TRPC4: variants seen among roughly 807,000 people sequenced by gnomAD.
The protein encoded by TRPC4 is transient receptor potential cation channel subfamily C member 4.
TRPC4 carries 49 observed loss-of-function variants against 99.4 expected under a neutral mutation model. The observed-to-expected ratio is 0.49, with a 90% confidence interval of 0.39 to 0.63. The LOEUF is 0.63. Among genes scored for constraint, TRPC4 ranks in the 20% least tolerant of loss-of-function variants. The probability of loss-of-function intolerance (pLI) is 0.00; values close to 1 mark genes in which losing one functional copy is unlikely to be tolerated. For synonymous variants in TRPC4, 454 were observed against 425.9 expected (o/e 1.07, Z -0.81); for missense variants, 898 against 1,152.9 (o/e 0.78, Z 3.20).
In TRPC4 at chr13:37,749,582, A is replaced by G. The variant is rs536476825; in HGVS notation, c.379-3127T>C. Among the ~76,000 whole-genome samples the G allele has an allele frequency of 1.1e-4, 16 of 152,234 alleles. No individual in the cohort carries two copies. The South Asian group carries it at 3.3e-3, about 32-fold the overall frequency. Reference sequence around the variant, plus strand: ...CTCCGATTGCATGAAGACAATAAAAACAGAACAAAAGTGTTTTAAGAAAAT... The same window carrying G: ...CTCCGATTGCATGAAGACAATAAAAGCAGAACAAAAGTGTTTTAAGAAAAT... On this transcript the variant is annotated intron_variant, in intron 2 of 10. Coordinates refer to ENST00000379705, the MANE Select transcript of TRPC4 (RefSeq NM_016179.4).
At chr13:37,680,069 G>T (rs1473269869) in intron 4 of TRPC4, among the ~76,000 whole-genome samples, 2 of 152,158 alleles carry the variant, frequency 1.3e-5, no homozygotes, top group East Asian at 1.9e-4. Flanking sequence ...AAGCACGACT[G>T]GATCAGAATC....
chr13:37,855,060 A>G (rs528133935), intron 1 of TRPC4: 1 of 152,048 alleles, frequency 6.6e-6, no homozygotes, highest in South Asian at 2.1e-4. Flanking sequence ...GGATAAAAAA[A>G]TAAAGCCCCA....
At chr13:37,765,921 T>A (rs1317468938) in intron 2 of TRPC4, among the ~76,000 whole-genome samples, 1 of 151,478 alleles carries the variant, frequency 6.6e-6, no homozygotes. Flanking sequence ...TTCCATAGTT[T>A]ACTTTGAAAT....
chr13:37,765,896 C>T (rs926128148), intron 2 of TRPC4, among the ~76,000 whole-genome samples: 2 of 151,244 alleles, frequency 1.3e-5, no homozygotes, highest in Non-Finnish European at 3.0e-5. Flanking sequence ...CACAAACGAA[C>T]ATGTACTCAA....
chr13:37,720,710 T>G (rs1240942802), intron 3 of TRPC4, among the ~76,000 whole-genome samples: 2 of 151,996 alleles, frequency 1.3e-5, no homozygotes, highest in Non-Finnish European at 2.9e-5. Context: ...TACTCAGGAG[T>G]ATATTTATTT....
chr13:37,708,540 A>T lies in TRPC4; in HGVS notation c.898-16205T>A, dbSNP rs1954368169. Among the ~76,000 whole-genome samples, 3 of 151,910 alleles carry T rather than the reference A, an allele frequency of 2.0e-5. No homozygotes were observed. The South Asian group carries it at 6.2e-4, about 31-fold the overall frequency. ...AAGACAATGATATATATTCTTGGAC[A>T]TTTCTGTAGGCACCTAGTTCCCTGA... On this transcript the variant is annotated intron_variant, in intron 3 of 10. Transcript: ENST00000379705.
At chr13:37,722,140 C>G (rs1954889412) in intron 3 of TRPC4, among the ~76,000 whole-genome samples, 1 of 152,070 alleles carries the variant, frequency 6.6e-6, no homozygotes, top group Non-Finnish European at 1.5e-5. Flanking sequence ...AGGTTAAATA[C>G]TTTGTTTAAA....
chr13:37,650,892 G>C (rs975702145), intron 8 of TRPC4, among the ~76,000 whole-genome samples: 2 of 152,070 alleles, frequency 1.3e-5, no homozygotes, highest in Admixed American at 6.6e-5. Flanking sequence ...CGATCCAGAG[G>C]GGGAAACAGA....
intron 1 of TRPC4, among the ~76,000 whole-genome samples, chr13:37,831,452 C>T (rs903072865): frequency 2.6e-5 from 4 of 152,112 alleles, no homozygotes; most frequent in African/African-American, 7.2e-5. Context: ...TAAATAGGTA[C>T]AGTCATTTTG....
At chr13:37,753,574 A>AG (rs1491343488) in intron 2 of TRPC4, among the ~76,000 whole-genome samples, 10,363 of 50,916 alleles carry the variant, frequency 0.2, 432 homozygotes, top group Non-Finnish European at 0.3. Flanking sequence ...AGAGAGAGAG[A>AG]AAGAGAGAGA....
chr13:37,795,797 T>C (rs1220325377), intron 1 of TRPC4, among the ~76,000 whole-genome samples: 2 of 152,162 alleles, frequency 1.3e-5, no homozygotes, highest in African/African-American at 4.8e-5. Flanking sequence ...TAGTGACTCT[T>C]ATTATTTTTA....
intron 1 of TRPC4, among the ~76,000 whole-genome samples, chr13:37,790,459 AAAGAT>A (rs1198076165): frequency 2.6e-5 from 4 of 152,300 alleles, no homozygotes; most frequent in Middle Eastern, 3.4e-3. Context: ...TTTGCTCAGA[AAAGAT>A]AAGATTGTAA....
At chr13:37,856,996 C>T (rs1003557107) in intron 1 of TRPC4, among the ~76,000 whole-genome samples, 7 of 151,416 alleles carry the variant, frequency 4.6e-5, no homozygotes, top group Admixed American at 1.3e-4. Flanking sequence ...GACAAGGATG[C>T]CCGCTTTCAT....
At chr13:37,764,951 A>AT (rs546969779) in intron 2 of TRPC4, among the ~76,000 whole-genome samples, 1 of 149,002 alleles carries the variant, frequency 6.7e-6, no homozygotes, top group Middle Eastern at 3.5e-3. Context: ...AGATGAGCAT[A>AT]TTTTTTTTCT....
intron 4 of TRPC4, among the ~76,000 whole-genome samples, chr13:37,675,516 C>G (rs188069242): frequency 1.7e-4 from 26 of 152,246 alleles, no homozygotes; most frequent in Non-Finnish European, 2.2e-4. Context: ...CTATCCACAG[C>G]TCAAGAGAAA....
chr13:37,843,419 A>G (rs1435943919), intron 1 of TRPC4, among the ~76,000 whole-genome samples: 5 of 152,222 alleles, frequency 3.3e-5, no homozygotes, highest in Non-Finnish European at 2.9e-5. Flanking sequence ...ATTAAAAGTC[A>G]GTTAGCAACT....
At chr13:37,739,115 T>C (rs17056557) in intron 3 of TRPC4, among the ~76,000 whole-genome samples, 3,328 of 152,122 alleles carry the variant, frequency 0.022, 51 homozygotes, top group African/African-American at 0.047. Context: ...AAAACCGACA[T>C]TTGCAATAAA....
rs10549960 is a variant in TRPC4 at position 37,786,289 on chromosome 13, GACACACACACACAC to G, written c.-27-2943_-27-2930del. On this transcript the variant is annotated intron_variant, in intron 1 of 10. Transcript: ENST00000379705. ...ATCTAAAAACACTCACAGGGAGAAA[GACACACACACACAC>G]ACACACACACACACACACACACACA... 6.8e-3 allele frequency among the ~76,000 whole-genome samples: 954 copies of G among 140,986 alleles called. 5 individuals carry two copies. Among genetic ancestry groups the G allele is most frequent in the East Asian group, 0.02 (98 of 4,854 alleles). The allele number at this position is 140,986 out of a possible 152,430, so 92.5% of individuals were successfully genotyped here.
At chr13:37,760,231 TCTA>T (rs377715583) in intron 2 of TRPC4, among the ~76,000 whole-genome samples, 35 of 152,096 alleles carry the variant, frequency 2.3e-4, no homozygotes, top group African/African-American at 8.2e-4. Flanking sequence ...TATATTAAAA[TCTA>T]CTGTGCACTA....
Sources: gnomAD v4.1 joint callset for allele counts (sites outside exome capture counted in the v4.1 genomes callset) on GRCh38, gnomAD v4.1.1 for gene constraint, MANE v1.5 for transcripts, NCBI Gene and HGNC (gene_info 2026-07-23, HGNC 2026-07-21) for gene names.